Variants in SLC2A9 observed in about 807,000 individuals in gnomAD.
SLC2A9 encodes solute carrier family 2 member 9.
Under a neutral mutation model 50.6 loss-of-function variants are expected in SLC2A9, and 39 were observed. That is an observed-to-expected ratio of 0.77 (90% CI 0.60 to 1.01). The LOEUF is 1.01. Ranked by LOEUF, SLC2A9 falls within the 50% of genes least tolerant of loss-of-function variation. The probability of loss-of-function intolerance (pLI) is 0.00; values close to 1 mark genes in which losing one functional copy is unlikely to be tolerated. For synonymous variants in SLC2A9, 324 were observed against 276.9 expected (o/e 1.17, Z -1.69); for missense variants, 686 against 677.6 (o/e 1.01, Z -0.14).
intron 1 of SLC2A9, chr4:10,029,029 C>T (rs1417002633): frequency 6.6e-6 from 1 of 152,338 alleles, no homozygotes; most frequent in Non-Finnish European, 1.5e-5. Context: ...TGGGGTGAAG[C>T]TTCAGCTCAA....
chr4:9,974,022 T>C (rs984093707), intron 5 of SLC2A9, among the ~76,000 whole-genome samples: 2 of 152,236 alleles, frequency 1.3e-5, no homozygotes, highest in South Asian at 2.1e-4. Flanking sequence ...GTTTAACATA[T>C]GCAAATCAAT....
In SLC2A9 at chr4:9,799,886, A is replaced by T. The variant is rs181666997; in HGVS notation, n.421-645T>A. ...GTTACTGAGGGTTGGAAAGATGGTA[A>T]TCTATCTTATGCAGTGGTGAAATAT... is the stretch of plus-strand genomic sequence containing the variant. On this transcript the variant is annotated intron_variant and non_coding_transcript_variant, in intron 3 of 3. Transcript: ENST00000503280. Among the ~76,000 whole-genome samples, 106 of 152,258 alleles carry T rather than the reference A, an allele frequency of 7.0e-4. 3 individuals carry two copies. Among genetic ancestry groups the T allele is most frequent in the East Asian group, 2.3e-3 (12 of 5,182 alleles).
At chr4:10,038,506 C>CAAAAAA (rs35698968) in intron 1 of SLC2A9, among the ~76,000 whole-genome samples, 1 of 49,444 alleles carries the variant, frequency 2.0e-5, no homozygotes, top group Non-Finnish European at 3.5e-5. Flanking sequence ...GACTCTGTCT[C>CAAAAAA]AAAAAAAAAA....
chr4:9,949,719 A>G (rs960305939), intron 5 of SLC2A9, among the ~76,000 whole-genome samples: 1 of 152,196 alleles, frequency 6.6e-6, no homozygotes, highest in African/African-American at 2.4e-5. Flanking sequence ...ATTTATATGC[A>G]GATTCTATCA....
At chr4:9,910,183 T>C (rs574334159) in intron 7 of SLC2A9, among the ~76,000 whole-genome samples, 2 of 152,356 alleles carry the variant, frequency 1.3e-5, no homozygotes, top group African/African-American at 2.4e-5. Flanking sequence ...GTTTTAATAT[T>C]CGTGTAAAAC....
At chr4:9,985,339 C>T (rs1337539953) in intron 4 of SLC2A9, among the ~76,000 whole-genome samples, 1 of 152,124 alleles carries the variant, frequency 6.6e-6, no homozygotes, top group Non-Finnish European at 1.5e-5. Flanking sequence ...CTCATAAAAG[C>T]CCCATGAAAA....
At chr4:9,983,141 T>A (rs1375644295) in intron 4 of SLC2A9, among the ~76,000 whole-genome samples, 1 of 152,220 alleles carries the variant, frequency 6.6e-6, no homozygotes, top group East Asian at 1.9e-4. Context: ...GTGCTGGGAT[T>A]ACAGGTGTGA....
chr4:9,821,160 G>A (rs1019693931), intron 3 of SLC2A9, among the ~76,000 whole-genome samples: 3 of 152,118 alleles, frequency 2.0e-5, no homozygotes, highest in Admixed American at 6.5e-5. Context: ...TTCATCAAAT[G>A]TTTCCCCTGT....
At chr4:9,785,285 GA>G (rs1345576141) in intron 3 of SLC2A9, among the ~76,000 whole-genome samples, 1 of 152,184 alleles carries the variant, frequency 6.6e-6, no homozygotes, top group Non-Finnish European at 1.5e-5. Context: ...TATGTTAATG[GA>G]TGGGGTCTCT....
intron 6 of SLC2A9, among the ~76,000 whole-genome samples, chr4:9,938,968 T>A (rs570255683): frequency 6.6e-6 from 1 of 152,018 alleles, no homozygotes; most frequent in South Asian, 2.1e-4. Context: ...TCTGAAGTGA[T>A]TGTGTTGATG....
intron 10 of SLC2A9, among the ~76,000 whole-genome samples, chr4:9,845,180 A>C (rs1019930529): frequency 6.6e-6 from 1 of 151,368 alleles, no homozygotes; most frequent in Non-Finnish European, 1.5e-5. Context: ...CACATGGATA[A>C]TTTTTTGTAT....
chr4:9,974,887 G>C (rs1243308756), intron 5 of SLC2A9, among the ~76,000 whole-genome samples: 1 of 152,170 alleles, frequency 6.6e-6, no homozygotes, highest in Non-Finnish European at 1.5e-5. Flanking sequence ...AAACAGTATG[G>C]TACTGGTACA....
chr4:9,915,724 G>A (rs1345303404), intron 7 of SLC2A9, among the ~76,000 whole-genome samples: 1 of 152,170 alleles, frequency 6.6e-6, no homozygotes, highest in East Asian at 1.9e-4. Context: ...GCCATATGGA[G>A]GGTCTCTTCT....
intron 3 of SLC2A9, among the ~76,000 whole-genome samples, chr4:9,787,177 T>A (rs555484534): frequency 4.8e-4 from 73 of 152,352 alleles, no homozygotes; most frequent in African/African-American, 1.7e-3. Flanking sequence ...GCCCCAGAAC[T>A]TGTTCTGATA....
intron 3 of SLC2A9, among the ~76,000 whole-genome samples, chr4:9,991,506 AG>A (rs1239031184): frequency 6.6e-6 from 1 of 152,182 alleles, no homozygotes; most frequent in Non-Finnish European, 1.5e-5. Flanking sequence ...GCACCTCCAC[AG>A]AAGAAACTGC....
chr4:9,832,805 G>A lies in SLC2A9; in HGVS notation c.1419+2076C>T, dbSNP rs542036532. On this transcript the variant is annotated intron_variant, in intron 11 of 11. Transcript: ENST00000264784. ...ATACAGGCACTACCTCCTAGCACAG[G>A]CAGCGGTGGAGCACTCTGGGCACAC... 4.6e-5 allele frequency among the ~76,000 whole-genome samples: 7 copies of A among 152,238 alleles called. No homozygotes were observed. In the South Asian group the frequency reaches 1.5e-3, roughly 32 times the overall value.
intron 10 of SLC2A9, among the ~76,000 whole-genome samples, chr4:9,859,294 G>A (rs558219925): frequency 7.9e-5 from 12 of 152,270 alleles, no homozygotes; most frequent in South Asian, 2.1e-4. Context: ...GGCTGTCCAC[G>A]GGGTCCTCTC....
At chr4:10,034,351 A>T (rs1764030822) in intron 1 of SLC2A9, 1 of 152,254 alleles carries the variant, frequency 6.6e-6, no homozygotes, top group Non-Finnish European at 1.5e-5. Context: ...GTCAGCCAGG[A>T]ATGTCCTGGC....
At chr4:9,988,301 A>G (rs1757096130) in intron 3 of SLC2A9, among the ~76,000 whole-genome samples, 1 of 152,238 alleles carries the variant, frequency 6.6e-6, no homozygotes, top group Non-Finnish European at 1.5e-5. Context: ...GATGCCTCCA[A>G]AAGCTTTGGT....
Sources: gnomAD v4.1 joint callset for allele counts (sites outside exome capture counted in the v4.1 genomes callset) on GRCh38, gnomAD v4.1.1 for gene constraint, MANE v1.5 for transcripts, NCBI Gene and HGNC (gene_info 2026-07-23, HGNC 2026-07-21) for gene names.